The following IL2 variants were observed in gnomAD, a reference collection of about 807,000 sequenced individuals.
IL2 encodes the protein interleukin-2.
A neutral mutation model predicts 14.6 loss-of-function variants in IL2; 3 were observed. The ratio of observed to expected loss-of-function variants is 0.21; its 90% CI spans 0.09 to 0.53. IL2 has a LOEUF of 0.53. Ranked by LOEUF, IL2 falls within the 20% of genes least tolerant of loss-of-function variation. The pLI is 0.95. For synonymous variants in IL2, 71 were observed against 60.0 expected (o/e 1.18, Z -0.85); for missense variants, 125 against 170.8 (o/e 0.73, Z 1.50).
chr4:122,453,057 G>T (rs1797692136), intron 3 of IL2, among the ~76,000 whole-genome samples: 1 of 151,732 alleles, frequency 6.6e-6, no homozygotes. Context: ...TGCTTATTTA[G>T]GATACCTATT....
intron 2 of IL2, among the ~76,000 whole-genome samples, chr4:122,454,318 G>A (rs1797707298): frequency 6.6e-6 from 1 of 151,740 alleles, no homozygotes; most frequent in Non-Finnish European, 1.5e-5. Context: ...TTTACACTAG[G>A]TAACAATAAT....
Position 122,456,522 on chromosome 4 carries a change from G to C in IL2, c.-82C>G. The C allele has an allele frequency of 2.8e-6, 3 of 1,060,806 alleles. No individual in the cohort carries two copies. The highest frequency in any genetic ancestry group is 3.7e-5 in the South Asian group (2 of 54,590). The allele number at this position is 1,060,806 out of a possible 1,614,324, so 65.7% of individuals were successfully genotyped here. ...TTGAACAAGAGATGCAATTTATACT[G>C]TTAATTCTGGAAAAATATTATGGGG... is the stretch of plus-strand genomic sequence containing the variant. On this transcript the variant is annotated 5_prime_UTR_variant, in exon 1 of 4. Coordinates refer to ENST00000226730, the MANE Select transcript of IL2 (RefSeq NM_000586.4).
In IL2 at chr4:122,456,543, TG is replaced by T. The variant is rs1036813772; in HGVS notation, c.-104del. On this transcript the variant is annotated 5_prime_UTR_variant, in exon 1 of 4. Coordinates refer to ENST00000226730, the MANE Select transcript of IL2 (RefSeq NM_000586.4). ...TACTGTTAATTCTGGAAAAATATTA[TG>T]GGGGTGTCAAAATGTTTTACATATT... 8 of 864,142 alleles carry T rather than the reference TG, an allele frequency of 9.3e-6. No individual in the cohort carries two copies. In the African/African-American group the frequency reaches 1.2e-4, roughly 13 times the overall value. The allele number at this position is 864,142 out of a possible 1,614,324, so 53.5% of individuals were successfully genotyped here.
Position 122,451,870 on chromosome 4 carries a change from A to G in IL2, c.352-8T>C. 6.8e-7 allele frequency: 1 copy of G among 1,481,320 alleles called. No homozygotes were observed. The highest frequency in any genetic ancestry group is 1.2e-5 in the South Asian group (1 of 80,736). The allele number at this position is 1,481,320 out of a possible 1,614,324, so 91.8% of individuals were successfully genotyped here. Reference sequence around the variant, plus strand: ...GAATGTTGTTTCAGATCCCTATAAAAGAAAAATGTTAATTTTTTAAAGTAC... The same window carrying G: ...GAATGTTGTTTCAGATCCCTATAAAGGAAAAATGTTAATTTTTTAAAGTAC... On this transcript the variant is annotated splice_region_variant and splice_polypyrimidine_tract_variant and intron_variant, in intron 3 of 3. Coordinates refer to ENST00000226730, the MANE Select transcript of IL2 (RefSeq NM_000586.4).
At chr4:122,454,385 T>A (rs1218333255) in intron 2 of IL2, among the ~76,000 whole-genome samples, 1 of 151,876 alleles carries the variant, frequency 6.6e-6, no homozygotes, top group Non-Finnish European at 1.5e-5. Context: ...AAATATGTCT[T>A]AAATTTTTAC....
chr4:122,451,996 T>A (rs1437367150), intron 3 of IL2, 134 bp from the exon 4 acceptor site: 2 of 386,888 alleles, frequency 5.2e-6, no homozygotes, highest in African/African-American at 4.2e-5. Flanking sequence ...TCACATTTTC[T>A]TGAAATGATC....
At chr4:122,452,794 T>A (rs1454367510) in intron 3 of IL2, among the ~76,000 whole-genome samples, 12 of 151,994 alleles carry the variant, frequency 7.9e-5, no homozygotes, top group Non-Finnish European at 1.3e-4. Context: ...GTGTTTGGCT[T>A]TTGAAACACA....
At chr4:122,452,904 TAAG>T (rs772257514) in intron 3 of IL2, among the ~76,000 whole-genome samples, 13 of 151,980 alleles carry the variant, frequency 8.6e-5, no homozygotes, top group Non-Finnish European at 1.6e-4. Context: ...TTGCCATAGA[TAAG>T]GAACTGAATC....
chr4:122,453,948 T>G, intron 2 of IL2, 95 bp from the exon 3 acceptor site: 1 of 1,078,870 alleles, frequency 9.3e-7, no homozygotes, highest in Non-Finnish European at 1.3e-6. Context: ...GTATGTAGTT[T>G]TTACCATTCT....
At chr4:122,455,925 T>TTATGTTTTC (rs1321166535) in intron 2 of IL2, among the ~76,000 whole-genome samples, 1 of 151,844 alleles carries the variant, frequency 6.6e-6, no homozygotes, top group Non-Finnish European at 1.5e-5. Context: ...AATATTATTT[T>TTATGTTTTC]TATGTTTTCT....
At chr4:122,452,670 G>A (rs1230292527) in intron 3 of IL2, among the ~76,000 whole-genome samples, 1 of 152,008 alleles carries the variant, frequency 6.6e-6, no homozygotes, top group Non-Finnish European at 1.5e-5. Flanking sequence ...AGGTGAGATA[G>A]AGTGTTCCCT....
chr4:122,453,420 A>G (rs1481349417), intron 3 of IL2, among the ~76,000 whole-genome samples: 2 of 151,814 alleles, frequency 1.3e-5, no homozygotes, highest in Non-Finnish European at 2.9e-5. Flanking sequence ...GTGAAACTCA[A>G]CTCAGTACCT....
In IL2 at chr4:122,456,466, A is replaced by C. The variant is rs1436495728; in HGVS notation, c.-26T>G. On this transcript the variant is annotated 5_prime_UTR_variant, in exon 1 of 4. Transcript: ENST00000226730. ...TGTGGCAGGAGTTGAGGTTACTGTG[A>C]GTAGTGATTAAAGAGAGTGATAGGG... 2.5e-6 allele frequency: 4 copies of C among 1,583,702 alleles called. No homozygotes were observed. In the African/African-American group the frequency reaches 4.0e-5, roughly 16 times the overall value.
Position 122,456,446 on chromosome 4 carries a change from C to T in IL2, c.-6G>A. On this transcript the variant is annotated 5_prime_UTR_variant, in exon 1 of 4. Coordinates refer to ENST00000226730, the MANE Select transcript of IL2 (RefSeq NM_000586.4). ...AGGAGTTGCATCCTGTACATTGTGG[C>T]AGGAGTTGAGGTTACTGTGAGTAGT... 1 of 1,603,474 alleles carries T rather than the reference C, an allele frequency of 6.2e-7. No individual in the cohort carries two copies. Among genetic ancestry groups the T allele is most frequent in the Non-Finnish European group, 8.5e-7 (1 of 1,173,012 alleles).
rs1797730596 is a variant in IL2 at position 122,456,409 on chromosome 4, G to A, written c.32C>T (p.Ala11Val). 6.2e-7 allele frequency: 1 copy of A among 1,612,018 alleles called. No individual in the cohort carries two copies. Among genetic ancestry groups the A allele is most frequent in the Admixed American group, 1.7e-5 (1 of 59,808 alleles). The change falls in exon 1 of 4, where the codon GCA (alanine) becomes GTA (valine). Residue 11 changes from alanine (A) to valine (V), a missense_variant. Coordinates refer to ENST00000226730, the MANE Select transcript of IL2 (RefSeq NM_000586.4). ...GTTTGTGACAAGTGCAAGACTTAGTGCAATGCAAGACAGGAGTTGCATCCT... is the reference window on the plus strand; with the variant it reads ...GTTTGTGACAAGTGCAAGACTTAGTACAATGCAAGACAGGAGTTGCATCCT... The part of the protein sequence containing the change: MYRMQLLSCI[A>V]LSLALVTNSA...
Position 122,456,414 on chromosome 4 carries a change from G to A in IL2, c.27C>T (p.Cys9=). The A allele has an allele frequency of 1.2e-6, 2 of 1,611,884 alleles. No individual in the cohort carries two copies. The highest frequency in any genetic ancestry group is 8.5e-7 in the Non-Finnish European group (1 of 1,178,538). The part of the protein sequence containing the change: MYRMQLLS[C]IALSLALVTN... ...TGACAAGTGCAAGACTTAGTGCAAT[G>A]CAAGACAGGAGTTGCATCCTGTACA... Residue 9 remains cysteine, a synonymous_variant, in exon 1 of 4, where the codon TGC becomes TGT. Transcript: ENST00000226730.
chr4:122,455,072 T>G (rs1797716648), intron 2 of IL2, among the ~76,000 whole-genome samples: 1 of 151,928 alleles, frequency 6.6e-6, no homozygotes, highest in Non-Finnish European at 1.5e-5. Flanking sequence ...ATTATGTGGC[T>G]CTGATTAAAC....
At chr4:122,453,614 C>A in intron 3 of IL2, 96 bp downstream of exon 3, 1 of 1,076,312 alleles carries the variant, frequency 9.3e-7, no homozygotes, top group Middle Eastern at 2.5e-4. Flanking sequence ...GGGTACTTTA[C>A]AAATACCAAA....
intron 2 of IL2, 33 bp from the exon 3 acceptor site, chr4:122,453,886 A>G (rs1233455246): frequency 1.9e-6 from 3 of 1,568,418 alleles, no homozygotes; most frequent in Admixed American, 3.8e-5. Flanking sequence ...CTCAGTTTAC[A>G]TAGAGGTCAG....
Sources: gnomAD v4.1 joint callset for allele counts (sites outside exome capture counted in the v4.1 genomes callset) on GRCh38, gnomAD v4.1.1 for gene constraint, MANE v1.5 for transcripts, NCBI Gene and HGNC (gene_info 2026-07-23, HGNC 2026-07-21) for gene names.